GREB1L: variants seen among roughly 807,000 people sequenced by gnomAD.
The protein encoded by GREB1L is GREB1-like protein.
Under a neutral mutation model 200.8 loss-of-function variants are expected in GREB1L, and 17 were observed. The ratio of observed to expected loss-of-function variants is 0.08; its 90% CI spans 0.06 to 0.13. The LOEUF (loss-of-function observed/expected upper bound fraction) is 0.13. Ranked by LOEUF, GREB1L falls within the 10% of genes least tolerant of loss-of-function variation. The pLI is 1.00. For synonymous variants in GREB1L, 789 were observed against 893.0 expected (o/e 0.88, Z 2.08); for missense variants, 1,657 against 2,367.7 (o/e 0.70, Z 6.23).
At chr18:21,460,603 G>C (rs1165435000) in intron 15 of GREB1L, among the ~76,000 whole-genome samples, 1 of 151,688 alleles carries the variant, frequency 6.6e-6, no homozygotes, top group African/African-American at 2.4e-5. Context: ...GCCTCCCAAA[G>C]TGCTGGGATT....
chr18:21,390,349 C>G (rs1473361168), intron 4 of GREB1L, among the ~76,000 whole-genome samples: 1 of 151,658 alleles, frequency 6.6e-6, no homozygotes, highest in African/African-American at 2.4e-5. Flanking sequence ...AGGAGGTATT[C>G]CAGAAGATGG....
chr18:21,401,970 A>G (rs1359956362), intron 6 of GREB1L: 2 of 152,090 alleles, frequency 1.3e-5, no homozygotes, highest in Non-Finnish European at 1.5e-5. Context: ...TTTTCTCCAT[A>G]TAATAACTAT....
chr18:21,304,359 A>T (rs976700673), intron 1 of GREB1L, among the ~76,000 whole-genome samples: 1 of 152,078 alleles, frequency 6.6e-6, no homozygotes, highest in African/African-American at 2.4e-5. Flanking sequence ...ACAAAAGATG[A>T]TATTTAAGTT....
At chr18:21,259,438 GGA>G (rs2037855465) in intron 1 of GREB1L, among the ~76,000 whole-genome samples, 2 of 152,026 alleles carry the variant, frequency 1.3e-5, no homozygotes, top group South Asian at 4.1e-4. Flanking sequence ...GGGATGCTGT[GGA>G]GAGAGAGAGG....
chr18:21,440,133 A>T (rs1273006124), intron 8 of GREB1L, 136 bp from the exon 9 acceptor site: 1 of 879,544 alleles, frequency 1.1e-6, no homozygotes, highest in Non-Finnish European at 1.7e-6. Context: ...TTACCTCTAA[A>T]GGAGTGATTT....
Position 21,242,348 on chromosome 18 carries a change from G to C in GREB1L, c.-165G>C, listed in dbSNP as rs1340592057. The C allele has an allele frequency of 6.6e-6, 1 of 152,190 alleles. No homozygotes were observed. The highest frequency in any genetic ancestry group is 1.5e-5 in the Non-Finnish European group (1 of 68,114). 9.4% of individuals were successfully genotyped at this position (152,190 alleles called of 1,614,324 possible). A position where few individuals can be genotyped will look rare whatever the true frequency, so the allele number is the denominator to read the frequency against. On this transcript the variant is annotated 5_prime_UTR_variant, in exon 1 of 33. Transcript: ENST00000424526. ...GTGGGGAGACCAGCCCGGCCGAGCC[G>C]AGGGCCACCCCCTGGTCCTCTGCCC...
Position 21,305,210 on chromosome 18 carries a change from G to C in GREB1L, c.-119-60817G>C, listed in dbSNP as rs151100942. On this transcript the variant is annotated intron_variant, in intron 1 of 32. Coordinates refer to ENST00000424526, the MANE Select transcript of GREB1L (RefSeq NM_001142966.3). ...AGGATGGTCTCGATCTCTTGACCTC[G>C]TGATCCACCTGCCTTGGCCTCTCAA... 1.6e-4 allele frequency among the ~76,000 whole-genome samples: 24 copies of C among 152,100 alleles called. No homozygotes were observed. In the East Asian group the frequency reaches 4.3e-3, roughly 27 times the overall value.
intron 1 of GREB1L, among the ~76,000 whole-genome samples, chr18:21,245,373 G>A (rs1013784639): frequency 4.6e-5 from 7 of 152,190 alleles, no homozygotes; most frequent in Non-Finnish European, 8.8e-5. Context: ...GAATATATTT[G>A]TAAGGGTACT....
chr18:21,407,151 G>C (rs1237888546), intron 7 of GREB1L, among the ~76,000 whole-genome samples: 1 of 152,150 alleles, frequency 6.6e-6, no homozygotes, highest in Admixed American at 6.5e-5. Context: ...TGGGATTACA[G>C]GCATGAGTCA....
intron 7 of GREB1L, among the ~76,000 whole-genome samples, chr18:21,414,756 C>T (rs1186283091): frequency 6.6e-6 from 1 of 152,040 alleles, no homozygotes; most frequent in African/African-American, 2.4e-5. Flanking sequence ...GAGAACACCA[C>T]GGTTATAGAA....
chr18:21,522,763 A>T lies in GREB1L; in HGVS notation c.5714A>T (p.Gln1905Leu). ...CAGTTCCGCCTCCGGGACGAGTTTC[A>T]AACTGCTAACAGCAGTGATGACAAG... ...EWQFRLRDEF[Q>L]TANSSDDKPL... Residue 1905 changes from glutamine (Q) to leucine (L), a missense_variant, in exon 33 of 33, where the codon CAA (glutamine) becomes CTA (leucine). By Grantham distance (113) the Gln-to-Leu change is moderately radical. Transcript: ENST00000424526. 6.4e-7 allele frequency: 1 copy of T among 1,551,702 alleles called. No individual in the cohort carries two copies. Among genetic ancestry groups the T allele is most frequent in the Non-Finnish European group, 8.7e-7 (1 of 1,146,972 alleles).
chr18:21,451,643 G>A (rs566739730), intron 13 of GREB1L, among the ~76,000 whole-genome samples: 1 of 151,896 alleles, frequency 6.6e-6, no homozygotes, highest in South Asian at 2.1e-4. Flanking sequence ...ACAGACATGT[G>A]CCACCATGCC....
At chr18:21,348,804 C>G (rs117701238) in intron 1 of GREB1L, among the ~76,000 whole-genome samples, 1 of 151,966 alleles carries the variant, frequency 6.6e-6, no homozygotes, top group Admixed American at 6.6e-5. Flanking sequence ...AATCAGCCAG[C>G]CATGGTGGCA....
intron 28 of GREB1L, among the ~76,000 whole-genome samples, chr18:21,514,818 CTGG>C (rs2037361730): frequency 6.6e-6 from 1 of 152,182 alleles, no homozygotes; most frequent in Non-Finnish European, 1.5e-5. Context: ...AAAATTACGC[CTGG>C]GCCAAAATCA....
intron 7 of GREB1L, among the ~76,000 whole-genome samples, chr18:21,416,143 T>C (rs943625565): frequency 7.2e-5 from 11 of 152,110 alleles, no homozygotes; most frequent in Non-Finnish European, 1.0e-4. Context: ...CAAATTAAAC[T>C]TCAGTGTTTG....
chr18:21,439,976 C>G (rs2033804393), intron 8 of GREB1L, among the ~76,000 whole-genome samples: 1 of 152,174 alleles, frequency 6.6e-6, no homozygotes, highest in African/African-American at 2.4e-5. Context: ...ATGGGTATAA[C>G]AACAATATTT....
At chr18:21,436,761 A>C (rs1233522593) in intron 7 of GREB1L, among the ~76,000 whole-genome samples, 2 of 149,122 alleles carry the variant, frequency 1.3e-5, no homozygotes, top group African/African-American at 5.0e-5. Flanking sequence ...CCCAGGCTGG[A>C]GTACACTGGT....
chr18:21,250,791 G>A (rs2037689667), intron 1 of GREB1L, among the ~76,000 whole-genome samples: 1 of 152,180 alleles, frequency 6.6e-6, no homozygotes, highest in Admixed American at 6.5e-5. Flanking sequence ...CACCCATACA[G>A]TCTGTTCTAT....
intron 7 of GREB1L, among the ~76,000 whole-genome samples, chr18:21,407,292 C>G (rs1386663772): frequency 6.6e-6 from 1 of 152,190 alleles, no homozygotes; most frequent in African/African-American, 2.4e-5. Flanking sequence ...ATAAGCATGA[C>G]ATACACATAG....
Sources: gnomAD v4.1 joint callset for allele counts (sites outside exome capture counted in the v4.1 genomes callset) on GRCh38, gnomAD v4.1.1 for gene constraint, MANE v1.5 for transcripts, NCBI Gene and HGNC (gene_info 2026-07-23, HGNC 2026-07-21) for gene names.